FMNL2: variants seen among roughly 807,000 people sequenced by gnomAD.
FMNL2 encodes formin like 2.
Under a neutral mutation model 130.2 loss-of-function variants are expected in FMNL2, and 51 were observed. The ratio of observed to expected loss-of-function variants is 0.39; its 90% confidence interval spans 0.31 to 0.49. The LOEUF (loss-of-function observed/expected upper bound fraction) is 0.49, where lower values mean the gene tolerates loss of function less well. Among genes scored for constraint, FMNL2 ranks in the 20% least tolerant of loss-of-function variants. The pLI is 0.85. For missense variants in FMNL2, 977 were observed against 1,316.2 expected, an observed-to-expected ratio of 0.74 and a Z score of 3.99; for synonymous variants, 465 against 467.1, an observed-to-expected ratio of 1.00 and a Z score of 0.06.
intron 1 of FMNL2, among the ~76,000 whole-genome samples, chr2:152,389,373 A>G (rs897845556): frequency 2.0e-5 from 3 of 152,226 alleles, no homozygotes; most frequent in Admixed American, 6.5e-5. Flanking sequence ...TTTTAGGGGC[A>G]CTAATCGCAT....
chr2:152,408,786 A>T (rs1041698538), intron 1 of FMNL2, among the ~76,000 whole-genome samples: 1 of 152,194 alleles, frequency 6.6e-6, no homozygotes, highest in Non-Finnish European at 1.5e-5. Flanking sequence ...CATGTAATTT[A>T]TTGAATACTG....
chr2:152,458,284 T>G (rs1689061252), intron 1 of FMNL2, among the ~76,000 whole-genome samples: 1 of 152,182 alleles, frequency 6.6e-6, no homozygotes, highest in Non-Finnish European at 1.5e-5. Flanking sequence ...ATTCCCTGAC[T>G]CAGAAATACT....
At chr2:152,439,762 C>T (rs1458806900) in intron 1 of FMNL2, among the ~76,000 whole-genome samples, 1 of 149,816 alleles carries the variant, frequency 6.7e-6, no homozygotes, top group Non-Finnish European at 1.5e-5. Context: ...ATAGCTTGGG[C>T]TACTTTTGTT....
intron 24 of FMNL2, among the ~76,000 whole-genome samples, chr2:152,640,304 T>A (rs527368351): frequency 2.6e-5 from 4 of 152,328 alleles, no homozygotes; most frequent in African/African-American, 7.2e-5. Flanking sequence ...TAGTTGGATA[T>A]ACAGAGAGGC....
chr2:152,559,364 G>A (rs111305785), intron 5 of FMNL2, among the ~76,000 whole-genome samples: 195 of 152,204 alleles, frequency 1.3e-3, no homozygotes, highest in African/African-American at 4.5e-3. Context: ...AAAAACTGGA[G>A]TGCAGTGGCA....
At chr2:152,463,858 T>G (rs756990293) in intron 1 of FMNL2, among the ~76,000 whole-genome samples, 1 of 152,236 alleles carries the variant, frequency 6.6e-6, no homozygotes, top group Non-Finnish European at 1.5e-5. Context: ...CTTTTCCCAT[T>G]TGGAGAAAAA....
intron 1 of FMNL2, among the ~76,000 whole-genome samples, chr2:152,476,505 T>C (rs963378045): frequency 6.6e-6 from 1 of 152,072 alleles, no homozygotes; most frequent in Non-Finnish European, 1.5e-5. Flanking sequence ...ACCCTGTCTC[T>C]ATTTAAAAAA....
At chr2:152,511,747 G>A (rs1692506134) in intron 1 of FMNL2, among the ~76,000 whole-genome samples, 1 of 152,114 alleles carries the variant, frequency 6.6e-6, no homozygotes, top group South Asian at 2.1e-4. Context: ...CCTGAGAAGG[G>A]AATTACAGAT....
intron 1 of FMNL2, among the ~76,000 whole-genome samples, chr2:152,484,476 G>GAA (rs762086772): frequency 7.0e-6 from 1 of 143,878 alleles, no homozygotes; most frequent in Admixed American, 7.0e-5. Flanking sequence ...TGTGTCTCTT[G>GAA]AAAAAAAAAA....
chr2:152,580,215 C>T lies in FMNL2; in HGVS notation c.783-741C>T, dbSNP rs79247544. Among the ~76,000 whole-genome samples the T allele has an allele frequency of 2.7e-4, 41 of 152,054 alleles. No individual in the cohort carries two copies. The East Asian group carries it at 6.4e-3, about 24-fold the overall frequency. ...TAGAAGTTGGTGAAAGCTGTTATTC[C>T]AGAAAAAAAATGAAATACTTAAGTG... is the stretch of plus-strand genomic sequence containing the variant. On this transcript the variant is annotated intron_variant, in intron 8 of 25. Coordinates refer to ENST00000288670, the MANE Select transcript of FMNL2 (RefSeq NM_052905.4).
chr2:152,511,921 A>G (rs1357311232), intron 1 of FMNL2, among the ~76,000 whole-genome samples: 1 of 152,182 alleles, frequency 6.6e-6, no homozygotes, highest in Admixed American at 6.5e-5. Context: ...TGAGTTTGGT[A>G]TCTTCAGTTA....
At chr2:152,416,827 A>G (rs1686643094) in intron 1 of FMNL2, among the ~76,000 whole-genome samples, 1 of 152,250 alleles carries the variant, frequency 6.6e-6, no homozygotes, top group African/African-American at 2.4e-5. Flanking sequence ...AATGGAATTA[A>G]AAATACAACA....
intron 3 of FMNL2, among the ~76,000 whole-genome samples, chr2:152,547,059 C>T (rs1366860146): frequency 6.6e-6 from 1 of 151,698 alleles, no homozygotes; most frequent in Non-Finnish European, 1.5e-5. Flanking sequence ...AGTTCTCGTG[C>T]CTCAGCTTCC....
chr2:152,378,942 G>A (rs1230700901), intron 1 of FMNL2, among the ~76,000 whole-genome samples: 2 of 114,752 alleles, frequency 1.7e-5, no homozygotes, highest in African/African-American at 3.4e-5. Flanking sequence ...ACCTACTCCA[G>A]ATATTGAGAG....
Position 152,578,134 on chromosome 2 carries a change from GA to G in FMNL2, c.706-753del, listed in dbSNP as rs569636788. ...GAAGAGTTCCTCTTTAATAGGAGGT[GA>G]GGAGGTAAGCCACAAATCTGTGTGG... On this transcript the variant is annotated intron_variant, in intron 7 of 25. Coordinates refer to ENST00000288670, the MANE Select transcript of FMNL2 (RefSeq NM_052905.4). Among the ~76,000 whole-genome samples, 457 of 152,264 alleles carry G rather than the reference GA, an allele frequency of 3.0e-3. 4 individuals carry two copies. Among genetic ancestry groups the G allele is most frequent in the Non-Finnish European group, 3.2e-3 (221 of 68,018 alleles).
At chr2:152,601,671 CT>C (rs34914295) in intron 9 of FMNL2, among the ~76,000 whole-genome samples, 31 of 103,488 alleles carry the variant, frequency 3.0e-4, no homozygotes, top group Admixed American at 6.9e-4. Flanking sequence ...TCTTTTCTTT[CT>C]TTTTTTTTTT....
chr2:152,382,724 A>T (rs1260240298), intron 1 of FMNL2, among the ~76,000 whole-genome samples: 25 of 152,226 alleles, frequency 1.6e-4, no homozygotes, highest in Admixed American at 1.6e-3. Context: ...TCATTTCACA[A>T]TATAAACTTA....
Position 152,428,978 on chromosome 2 carries a change from G to T in FMNL2, c.118-92965G>T, listed in dbSNP as rs76395672. Among the ~76,000 whole-genome samples the T allele has an allele frequency of 5.9e-3, 892 of 152,224 alleles. 4 individuals are homozygous for T. The highest frequency in any genetic ancestry group is 0.01 in the Non-Finnish European group (711 of 68,006). On this transcript the variant is annotated intron_variant, in intron 1 of 25. Transcript: ENST00000288670. ...GGAGCTAAATGATGAGAACACATGG[G>T]AGCATGGTGGGGAGCAACACACACT...
intron 10 of FMNL2, among the ~76,000 whole-genome samples, chr2:152,608,519 G>A (rs1367109938): frequency 6.7e-6 from 1 of 148,648 alleles, no homozygotes; most frequent in Non-Finnish European, 1.5e-5. Flanking sequence ...CAAAGTGTGT[G>A]TGTCTATATA....
Sources: allele counts gnomAD v4.1 joint callset (sites outside exome capture counted in the v4.1 genomes callset), GRCh38; gene constraint gnomAD v4.1.1; transcripts MANE v1.5; gene names NCBI Gene and HGNC (gene_info 2026-07-23, HGNC 2026-07-21).